The following BRWD1 variants were observed in gnomAD, a reference collection of about 807,000 sequenced individuals.
BRWD1 encodes the protein bromodomain and WD repeat domain containing 1.
In BRWD1, 82 loss-of-function variants were observed where a neutral mutation model predicts 251.2. The ratio of observed to expected loss-of-function variants is 0.33; its 90% CI spans 0.27 to 0.39. The LOEUF (loss-of-function observed/expected upper bound fraction) is 0.39. BRWD1 is among the 10% of genes least tolerant of loss of function. The pLI is 1.00. For missense variants in BRWD1, 2,233 were observed against 2,711.6 expected (o/e 0.82, Z 3.92); for synonymous variants, 918 against 902.8 (o/e 1.02, Z -0.30).
rs368495023 is a variant in BRWD1, at chr21:39,312,904, G to T, written c.139-4C>A. 15 of 1,447,574 alleles carry T rather than the reference G, an allele frequency of 1.0e-5. No homozygotes were observed. The highest frequency in any genetic ancestry group is 1.8e-6 in the Non-Finnish European group (2 of 1,088,422). The allele number at this position is 1,447,574 out of a possible 1,614,324, so 89.7% of individuals were successfully genotyped here. On this transcript the variant is annotated splice_polypyrimidine_tract_variant and splice_region_variant and intron_variant, in intron 3 of 40. Transcript: ENST00000342449. ...AGTCCAATCTCTTCGGCAACAACTG[G>T]AAAGACACGAAACGCACACGAGTGA...
At chr21:39,218,718 A>G (rs569769624) in intron 29 of BRWD1, 58 bp from the exon 30 acceptor site, 1 of 1,366,854 alleles carries the variant, frequency 7.3e-7, no homozygotes, top group South Asian at 1.5e-5. Context: ...ATAAATATAT[A>G]CGGTATTAAA....
intron 8 of BRWD1, among the ~76,000 whole-genome samples, chr21:39,280,740 A>C (rs1224771155): frequency 6.6e-6 from 1 of 152,214 alleles, no homozygotes. Flanking sequence ...ATCACTGCAT[A>C]AATGGTATTA....
Position 39,194,819 on chromosome 21 carries a change from C to T in BRWD1, c.*1440G>A. 1.3e-6 allele frequency: 2 copies of T among 1,534,424 alleles called. No individual in the cohort carries two copies. Among genetic ancestry groups the T allele is most frequent in the South Asian group, 1.2e-5 (1 of 83,984 alleles). ...ATATTGATACCAGTCTGATGCTTCA[C>T]CTTATCTGCCACTTCAAAGATACAC... On this transcript the variant is annotated 3_prime_UTR_variant, in exon 41 of 41. Coordinates refer to ENST00000342449, the MANE Select transcript of BRWD1 (RefSeq NM_033656.4).
Position 39,191,752 on chromosome 21 carries a change from G to C in BRWD1, c.*4507C>G. ...GGGTAGAGCTGCTACAGTCCATCTA[G>C]GCTCTATATACTGGTCATCTCATTT... On this transcript the variant is annotated 3_prime_UTR_variant, in exon 41 of 41. Transcript: ENST00000342449. The C allele has an allele frequency of 5.1e-6, 5 of 985,180 alleles. No homozygotes were observed. Among genetic ancestry groups the C allele is most frequent in the Non-Finnish European group, 6.0e-6 (5 of 829,834 alleles). 61.0% of individuals were successfully genotyped at this position (985,180 alleles called of 1,614,324 possible).
intron 20 of BRWD1, among the ~76,000 whole-genome samples, chr21:39,250,584 T>G (rs946218049): frequency 1.3e-5 from 2 of 152,052 alleles, no homozygotes; most frequent in South Asian, 4.1e-4. Flanking sequence ...AATACCATTG[T>G]TAGGCACTAG....
rs988427121 is a variant in BRWD1, at chr21:39,218,256, A to G, written c.3555T>C (p.Phe1185=). 19 of 1,609,008 alleles carry G rather than the reference A, an allele frequency of 1.2e-5. No individual in the cohort carries two copies. Among genetic ancestry groups the G allele is most frequent in the Non-Finnish European group, 1.6e-5 (19 of 1,178,862 alleles). The part of the protein sequence containing the change: ...QLLNLDIAAA[F]AGPVDLCTYP... ...ATGTACACAAATCAACAGGGCCTGC[A>G]AAAGCTGCTGCTATATCTGTTAGGG... Residue 1185 remains phenylalanine (F), a synonymous_variant, in exon 31 of 41, where the codon TTT becomes TTC. Transcript: ENST00000342449.
chr21:39,248,536 G>A (rs2034275579), intron 20 of BRWD1, among the ~76,000 whole-genome samples: 1 of 151,662 alleles, frequency 6.6e-6, no homozygotes, highest in African/African-American at 2.4e-5. Flanking sequence ...TACTAGGGAG[G>A]CTGAGGGGGG....
At chr21:39,313,910 A>C (rs922128713), upstream of BRWD1, 5 of 315,872 alleles carry the variant, frequency 1.6e-5, no homozygotes, top group South Asian at 7.0e-5. Flanking sequence ...GTGAGGCGGC[A>C]GCGCGACGCC....
At chr21:39,308,244 G>C (rs8128620) in intron 4 of BRWD1, among the ~76,000 whole-genome samples, 46,698 of 152,002 alleles carry the variant, frequency 0.31, 7,641 homozygotes, top group Middle Eastern at 0.36. Context: ...CACTTTGGGA[G>C]GCCAATGCAG....
chr21:39,240,162 T>A (rs1374379816), intron 21 of BRWD1, among the ~76,000 whole-genome samples: 1 of 152,198 alleles, frequency 6.6e-6, no homozygotes, highest in Non-Finnish European at 1.5e-5. Flanking sequence ...CTACTAGCTA[T>A]ATGATTCCAA....
intron 39 of BRWD1, 145 bp downstream of exon 39, chr21:39,200,073 CA>C: frequency 2.3e-6 from 2 of 852,350 alleles, no homozygotes; most frequent in Non-Finnish European, 3.4e-6. Flanking sequence ...TTTTTAATGC[CA>C]AAATTCATTT....
At chr21:39,315,163 A>G (rs2036674229), upstream of BRWD1, among the ~76,000 whole-genome samples, 1 of 151,768 alleles carries the variant, frequency 6.6e-6, no homozygotes, top group African/African-American at 2.4e-5. Flanking sequence ...CGTCCGGCTA[A>G]TTTTTATATT....
intron 8 of BRWD1, among the ~76,000 whole-genome samples, chr21:39,283,011 G>GT (rs2035522467): frequency 6.7e-6 from 1 of 149,066 alleles, no homozygotes. Flanking sequence ...GAAAGAATAT[G>GT]TTTAAGTCAC....
rs2031263908 is a variant in BRWD1 at position 39,186,856 on chromosome 21, A to T, written c.*9403T>A. On this transcript the variant is annotated 3_prime_UTR_variant, in exon 41 of 41. Coordinates refer to ENST00000342449, the MANE Select transcript of BRWD1 (RefSeq NM_033656.4). ...TTTCCTCCTCAGAATTCCCCAGAGC[A>T]CATGTCTGTACAAGAGCTGACTGGG... The T allele has an allele frequency of 9.0e-7, 1 of 1,116,902 alleles. No individual in the cohort carries two copies. Among genetic ancestry groups the T allele is most frequent in the Non-Finnish European group, 1.2e-6 (1 of 831,772 alleles). The allele number at this position is 1,116,902 out of a possible 1,614,324, so 69.2% of individuals were successfully genotyped here.
rs951225371 is a variant in BRWD1, at chr21:39,202,305, C to T, written c.4585+20G>A. 5 of 1,566,138 alleles carry T rather than the reference C, an allele frequency of 3.2e-6. No homozygotes were observed. The highest frequency in any genetic ancestry group is 1.1e-5 in the South Asian group (1 of 89,396). On this transcript the variant is annotated intron_variant, in intron 38 of 40. Transcript: ENST00000342449. Reference sequence around the variant, plus strand: ...ATTTGGGTGCTCAGCAAAGAAATAACATAGTATTTCACTTCTCACCAGATA... The same window carrying T: ...ATTTGGGTGCTCAGCAAAGAAATAATATAGTATTTCACTTCTCACCAGATA...
intron 8 of BRWD1, 24 bp downstream of exon 8, chr21:39,293,787 G>T: frequency 1.3e-6 from 2 of 1,572,844 alleles, no homozygotes; most frequent in African/African-American, 1.3e-5. Context: ...ATATAGGAAT[G>T]TGCCCACTAA....
At chr21:39,255,854 T>C (rs1213910361) in intron 18 of BRWD1, 26 bp from the exon 19 acceptor site, 2 of 1,597,954 alleles carry the variant, frequency 1.3e-6, no homozygotes, top group East Asian at 4.5e-5. Context: ...GGGGAAGTGA[T>C]TCCAATACAC....
At chr21:39,251,184 T>A (rs2146612021) in intron 19 of BRWD1, among the ~76,000 whole-genome samples, 1 of 152,312 alleles carries the variant, frequency 6.6e-6, no homozygotes, top group Middle Eastern at 3.4e-3. Context: ...GTCTTCATGA[T>A]TTTCCAAGAT....
At chr21:39,314,130 A>C (rs1338347056), upstream of BRWD1, 2 of 455,798 alleles carry the variant, frequency 4.4e-6, no homozygotes, top group Non-Finnish European at 8.8e-6. Context: ...CCCCGCACGG[A>C]AGACCCCTCG....
Sources: allele counts gnomAD v4.1 joint callset (sites outside exome capture counted in the v4.1 genomes callset), GRCh38; gene constraint gnomAD v4.1.1; transcripts MANE v1.5; gene names NCBI Gene and HGNC (gene_info 2026-07-23, HGNC 2026-07-21).